The following LGR6 variants were observed in gnomAD, a reference collection of about 807,000 sequenced individuals.
LGR6 encodes the protein leucine-rich repeat-containing G protein-coupled receptor 6.
In LGR6, 45 loss-of-function variants were observed where a neutral mutation model predicts 69.4. That is an observed-to-expected ratio of 0.65 (90% CI 0.51 to 0.83). The LOEUF is 0.83. Ranked by LOEUF, LGR6 falls within the 40% of genes least tolerant of loss-of-function variation. The pLI is 0.00. For missense variants in LGR6, 1,108 were observed against 1,246.7 expected (o/e 0.89, Z 1.68); for synonymous variants, 538 against 555.0 (o/e 0.97, Z 0.43).
intron 1 of LGR6, among the ~76,000 whole-genome samples, chr1:202,200,758 G>T (rs1385818359): frequency 6.6e-6 from 1 of 152,184 alleles, no homozygotes; most frequent in African/African-American, 2.4e-5. Context: ...TGGGAGAACA[G>T]GTCCCAGGAG....
At chr1:202,198,778 G>A (rs1658735284) in intron 1 of LGR6, among the ~76,000 whole-genome samples, 1 of 151,532 alleles carries the variant, frequency 6.6e-6, no homozygotes, top group Non-Finnish European at 1.5e-5. Flanking sequence ...TGGTCTAGAC[G>A]GGCCCCTGCA....
At chr1:202,242,498 G>C (rs943773640) in intron 4 of LGR6, among the ~76,000 whole-genome samples, 1 of 152,188 alleles carries the variant, frequency 6.6e-6, no homozygotes, top group African/African-American at 2.4e-5. Flanking sequence ...CAGATGTCCC[G>C]AGTGAATATC....
intron 12 of LGR6, 198 bp from the exon 13 acceptor site, chr1:202,306,670 G>T: frequency 1.6e-6 from 1 of 636,008 alleles, no homozygotes; most frequent in Non-Finnish European, 2.8e-6. Context: ...TTGTGGCTTT[G>T]TCTCCTGACC....
intron 17 of LGR6, 115 bp downstream of exon 17, chr1:202,314,997 C>T (rs1654037410): frequency 1.4e-6 from 1 of 731,652 alleles, no homozygotes; most frequent in African/African-American, 1.7e-5. Flanking sequence ...TTGCCTGACT[C>T]CCAGCCTGCT....
At chr1:202,218,753 G>C (rs967264651) in intron 1 of LGR6, among the ~76,000 whole-genome samples, 3 of 152,156 alleles carry the variant, frequency 2.0e-5, no homozygotes, top group African/African-American at 7.2e-5. Flanking sequence ...TGCCCGGGAA[G>C]CCTTCTCTGC....
intron 1 of LGR6, among the ~76,000 whole-genome samples, chr1:202,199,666 C>CG (rs983473894): frequency 6.6e-6 from 1 of 151,860 alleles, no homozygotes; most frequent in African/African-American, 2.4e-5. Context: ...CCACGCCCCC[C>CG]GGGGGAGAGA....
intron 1 of LGR6, among the ~76,000 whole-genome samples, chr1:202,203,271 T>C (rs1418325467): frequency 1.3e-5 from 2 of 152,136 alleles, no homozygotes; most frequent in Admixed American, 6.5e-5. Flanking sequence ...TTTTAGCACC[T>C]CCTATAGGAA....
chr1:202,318,059 G>A lies in LGR6; in HGVS notation c.1756G>A (p.Val586Met), dbSNP rs143028945. 48 of 1,614,074 alleles carry A rather than the reference G, an allele frequency of 3.0e-5. No individual in the cohort carries two copies. The African/African-American group carries it at 3.3e-4, about 11-fold the overall frequency. ...CTGCAATGGACTGGTGCTGCTGACCGTGTTCGCTGGCGGGCCTGTCCCCCT... is the reference window on the plus strand; with the variant it reads ...CTGCAATGGACTGGTGCTGCTGACCATGTTCGCTGGCGGGCCTGTCCCCCT... ...VLCNGLVLLT[V>M]FAGGPVPLPP... The change falls in exon 18 of 18, where the codon GTG (valine) becomes ATG (methionine). Residue 586 changes from valine (V) to methionine (M), a missense_variant. Val to Met is a conservative substitution (Grantham distance 21, BLOSUM62 1). Transcript: ENST00000367278.
intron 1 of LGR6, among the ~76,000 whole-genome samples, chr1:202,223,481 G>C (rs1006415325): frequency 6.6e-6 from 1 of 152,098 alleles, no homozygotes; most frequent in African/African-American, 2.4e-5. Context: ...TTCTTGGGGG[G>C]AAATGCAGAC....
intron 4 of LGR6, among the ~76,000 whole-genome samples, chr1:202,258,607 G>C (rs749009309): frequency 3.9e-4 from 59 of 151,638 alleles, no homozygotes; most frequent in Non-Finnish European, 6.5e-4. Flanking sequence ...TAATGTAAAG[G>C]GGGTATTTTC....
intron 4 of LGR6, among the ~76,000 whole-genome samples, chr1:202,243,287 T>G (rs1479849340): frequency 6.6e-6 from 1 of 152,012 alleles, no homozygotes; most frequent in Admixed American, 6.6e-5. Context: ...GTCATTACCC[T>G]AGGTATTCTA....
intron 4 of LGR6, among the ~76,000 whole-genome samples, chr1:202,239,533 A>G (rs1333377559): frequency 1.3e-5 from 2 of 152,100 alleles, no homozygotes; most frequent in African/African-American, 4.8e-5. Flanking sequence ...TTTAGCAGGA[A>G]AGCAAGGTGA....
At chr1:202,230,545 G>A (rs546132447) in intron 3 of LGR6, among the ~76,000 whole-genome samples, 59 of 152,338 alleles carry the variant, frequency 3.9e-4, no homozygotes, top group South Asian at 2.5e-3. Flanking sequence ...GAAAATGCCC[G>A]AGCCTCTGAG....
intron 4 of LGR6, among the ~76,000 whole-genome samples, chr1:202,246,900 G>C (rs1277890071): frequency 6.6e-6 from 1 of 152,186 alleles, no homozygotes; most frequent in African/African-American, 2.4e-5. Context: ...TTTTTTTACA[G>C]ATGAGGAAGT....
At chr1:202,203,692 C>A in intron 1 of LGR6, 2 of 910,218 alleles carry the variant, frequency 2.2e-6, no homozygotes, top group South Asian at 1.5e-5. Flanking sequence ...GAAATACACC[C>A]AGGCAGGGCC....
chr1:202,214,322 G>T, intron 1 of LGR6: 1 of 1,334,426 alleles, frequency 7.5e-7, no homozygotes, highest in Non-Finnish European at 1.0e-6. Flanking sequence ...AAACCGACGC[G>T]ACGGGTGGGG....
chr1:202,240,952 C>T (rs1339125109), intron 4 of LGR6, among the ~76,000 whole-genome samples: 1 of 152,156 alleles, frequency 6.6e-6, no homozygotes, highest in Non-Finnish European at 1.5e-5. Context: ...TTATTCCTCA[C>T]AGAAACCCCT....
intron 1 of LGR6, among the ~76,000 whole-genome samples, chr1:202,220,721 G>T (rs921857785): frequency 1.4e-4 from 8 of 58,772 alleles, no homozygotes; most frequent in Non-Finnish European, 4.4e-4. Context: ...GCAAAATACT[G>T]TGGGGACGGG....
chr1:202,227,998 T>A lies in LGR6; in HGVS notation c.347T>A (p.Leu116Gln). ...PGQAFSGLYS[L>Q]KILMLQNNQL... ...CAAGCATTCTCTGGTCTCTACAGCCTGAAAATCCTGTAAGTATAGGTACAC... is the reference window on the plus strand; with the variant it reads ...CAAGCATTCTCTGGTCTCTACAGCCAGAAAATCCTGTAAGTATAGGTACAC... The change falls in exon 3 of 18, where the codon CTG becomes CAG. Residue 116 changes from leucine to glutamine, a missense_variant. Physicochemically the swap from Leu to Gln is moderately radical, Grantham distance 113. Coordinates refer to ENST00000367278, the MANE Select transcript of LGR6 (RefSeq NM_001017403.2). 6.2e-7 allele frequency: 1 copy of A among 1,610,350 alleles called. No individual in the cohort carries two copies. Among genetic ancestry groups the A allele is most frequent in the Non-Finnish European group, 8.5e-7 (1 of 1,176,578 alleles).
Sources: gnomAD v4.1 joint callset for allele counts (sites outside exome capture counted in the v4.1 genomes callset) on GRCh38, gnomAD v4.1.1 for gene constraint, MANE v1.5 for transcripts, NCBI Gene and HGNC (gene_info 2026-07-23, HGNC 2026-07-21) for gene names.